Variants in ST3GAL6 observed in about 807,000 individuals in gnomAD.
The protein encoded by ST3GAL6 is type 2 lactosamine alpha-2,3-sialyltransferase.
A neutral mutation model predicts 40.5 loss-of-function variants in ST3GAL6; 31 were observed. That is an observed-to-expected ratio of 0.77 (90% CI 0.58 to 1.03). The LOEUF (loss-of-function observed/expected upper bound fraction) is 1.03. Among genes scored for constraint, ST3GAL6 ranks in the 50% least tolerant of loss-of-function variants. The probability of loss-of-function intolerance (pLI) is 0.00; values close to 1 mark genes in which losing one functional copy is unlikely to be tolerated. For missense variants in ST3GAL6, 357 were observed against 393.2 expected, an observed-to-expected ratio of 0.91 and a Z score of 0.78; for synonymous variants, 129 against 136.9, an observed-to-expected ratio of 0.94 and a Z score of 0.40.
At chr3:98,733,625 T>C in intron 1 of ST3GAL6, 2 of 985,038 alleles carry the variant, frequency 2.0e-6, no homozygotes, top group Non-Finnish European at 2.4e-6. Flanking sequence ...CTGCTGTTAA[T>C]TTTCAAGATA....
At chr3:98,786,955 A>AGTGTGTGTGTGTGT (rs60592978) in intron 6 of ST3GAL6, among the ~76,000 whole-genome samples, 1,504 of 147,452 alleles carry the variant, frequency 0.01, 14 homozygotes, top group South Asian at 0.029. Flanking sequence ...ATCTGGGATA[A>AGTGTGTGTGTGTGT]GTGTGTGTGT....
intron 1 of ST3GAL6, chr3:98,732,630 GGGC>G: frequency 2.1e-6 from 1 of 480,106 alleles, no homozygotes; most frequent in South Asian, 3.1e-5. Flanking sequence ...TCGAATTTGG[GGGC>G]GGCCACCGTG....
chr3:98,745,029 T>TTTTA (rs759796471), intron 1 of ST3GAL6, among the ~76,000 whole-genome samples: 34 of 151,886 alleles, frequency 2.2e-4, no homozygotes, highest in African/African-American at 7.7e-4. Context: ...TTTTTTTAAA[T>TTTTA]TTTATTTATT....
At chr3:98,790,085 A>G (rs1576134198) in intron 8 of ST3GAL6, among the ~76,000 whole-genome samples, 1 of 152,358 alleles carries the variant, frequency 6.6e-6, no homozygotes, top group East Asian at 1.9e-4. Flanking sequence ...CTGGGACATG[A>G]GCAAGCAGCA....
At chr3:98,776,900 T>TGC (rs1939604952) in intron 5 of ST3GAL6, among the ~76,000 whole-genome samples, 1 of 152,214 alleles carries the variant, frequency 6.6e-6, no homozygotes, top group Non-Finnish European at 1.5e-5. Context: ...TGGGATAGAT[T>TGC]CCACTGTGAA....
intron 1 of ST3GAL6, among the ~76,000 whole-genome samples, chr3:98,765,734 T>A (rs1938251214): frequency 6.6e-6 from 1 of 152,228 alleles, no homozygotes; most frequent in Non-Finnish European, 1.5e-5. Context: ...GCCACAAAGC[T>A]GGCATTGGTC....
At chr3:98,734,900 C>T (rs1010841894) in intron 1 of ST3GAL6, among the ~76,000 whole-genome samples, 2 of 152,080 alleles carry the variant, frequency 1.3e-5, no homozygotes, top group Non-Finnish European at 2.9e-5. Context: ...TGGGAGAAGA[C>T]GTGAGTAATG....
At chr3:98,787,226 T>C (rs1178406978) in intron 6 of ST3GAL6, among the ~76,000 whole-genome samples, 1 of 152,182 alleles carries the variant, frequency 6.6e-6, no homozygotes. Flanking sequence ...TCTGATAATT[T>C]AGAGCCACAG....
chr3:98,751,948 G>T (rs1456980319), intron 1 of ST3GAL6, among the ~76,000 whole-genome samples: 1 of 152,144 alleles, frequency 6.6e-6, no homozygotes, highest in African/African-American at 2.4e-5. Flanking sequence ...AAGGGCATTA[G>T]AGTTCATAAA....
chr3:98,740,225 CTTTTTTTTTTTTT>C (rs764868667), intron 1 of ST3GAL6, among the ~76,000 whole-genome samples: 6 of 122,150 alleles, frequency 4.9e-5, no homozygotes, highest in Admixed American at 4.1e-4. Flanking sequence ...TTGCAAAACA[CTTTTTTTTTTTTT>C]TTTTTTTTTA....
upstream of ST3GAL6, among the ~76,000 whole-genome samples, chr3:98,761,582 C>T (rs978077108): frequency 6.7e-6 from 1 of 149,006 alleles, no homozygotes; most frequent in Non-Finnish European, 1.5e-5. Flanking sequence ...TACACTTCAG[C>T]CTGGGCAACA....
At chr3:98,771,910 GA>G (rs5851137) in intron 3 of ST3GAL6, among the ~76,000 whole-genome samples, 49,295 of 150,816 alleles carry the variant, frequency 0.33, 9,287 homozygotes, top group East Asian at 0.73. Context: ...TATATAATAA[GA>G]AAAAAAAAGA....
In ST3GAL6 at chr3:98,765,555, T is replaced by G. The variant is rs150398250; in HGVS notation, c.-12+2116T>G. Among the ~76,000 whole-genome samples, 15 of 152,342 alleles carry G rather than the reference T, an allele frequency of 9.8e-5. 1 individual carries two copies. The highest frequency in any genetic ancestry group is 3.4e-4 in the African/African-American group (14 of 41,574). ...AAGCAAAGTGAAACATTTGTCAAGATTGAGTTTAATTTGGCATATATAGGT... is the reference window on the plus strand; with the variant it reads ...AAGCAAAGTGAAACATTTGTCAAGAGTGAGTTTAATTTGGCATATATAGGT... On this transcript the variant is annotated intron_variant, in intron 1 of 9. Transcript: ENST00000483910.
chr3:98,778,070 G>A (rs188200781), intron 5 of ST3GAL6, among the ~76,000 whole-genome samples: 1 of 152,260 alleles, frequency 6.6e-6, no homozygotes, highest in Admixed American at 6.5e-5. Flanking sequence ...GCACAGACAA[G>A]CTCCCCATCC....
At chr3:98,747,050 C>A (rs570188834) in intron 1 of ST3GAL6, among the ~76,000 whole-genome samples, 45 of 152,302 alleles carry the variant, frequency 3.0e-4, no homozygotes, top group Non-Finnish European at 4.4e-4. Context: ...GTAGGCACTT[C>A]ACAGTCCCTT....
At chr3:98,767,236 G>A (rs981720544) in intron 1 of ST3GAL6, among the ~76,000 whole-genome samples, 1 of 152,192 alleles carries the variant, frequency 6.6e-6, no homozygotes, top group Non-Finnish European at 1.5e-5. Context: ...ATTAGCTGCA[G>A]AGGGTTTCAA....
upstream of ST3GAL6, chr3:98,762,724 A>G (rs1271665018): frequency 1.2e-6 from 1 of 865,744 alleles, no homozygotes; most frequent in African/African-American, 1.8e-5. Flanking sequence ...TACTCTTAAA[A>G]ATATGGTTAT....
chr3:98,764,025 T>G (rs535097887), intron 1 of ST3GAL6, among the ~76,000 whole-genome samples: 2 of 152,120 alleles, frequency 1.3e-5, no homozygotes, highest in Non-Finnish European at 2.9e-5. Context: ...GCTTCCAGAC[T>G]GAAACAGAAC....
At chr3:98,786,047 T>C (rs1228721864) in intron 6 of ST3GAL6, among the ~76,000 whole-genome samples, 1 of 152,126 alleles carries the variant, frequency 6.6e-6, no homozygotes, top group Non-Finnish European at 1.5e-5. Flanking sequence ...TGGGGAAGAC[T>C]GGTATAGGAG....
Sources: gnomAD v4.1 joint callset for allele counts (sites outside exome capture counted in the v4.1 genomes callset) on GRCh38, gnomAD v4.1.1 for gene constraint, MANE v1.5 for transcripts, NCBI Gene and HGNC (gene_info 2026-07-23, HGNC 2026-07-21) for gene names.